The following EPB41L4B variants were observed in gnomAD, a reference collection of about 807,000 sequenced individuals.
EPB41L4B encodes the protein erythrocyte membrane protein band 4.1 like 4B, also known as band 4.1-like protein 4B.
Under a neutral mutation model 112.5 loss-of-function variants are expected in EPB41L4B, and 30 were observed. The ratio of observed to expected loss-of-function variants is 0.27; its 90% CI spans 0.20 to 0.36. The LOEUF is 0.36. EPB41L4B is among the 10% of genes least tolerant of loss of function. EPB41L4B has a pLI of 1.00. For synonymous variants in EPB41L4B, 408 were observed against 439.7 expected, an observed-to-expected ratio of 0.93 and a Z score of 0.90; for missense variants, 1,024 against 1,133.3, an observed-to-expected ratio of 0.90 and a Z score of 1.38.
chr9:109,188,596 T>A (rs1043075392), intron 22 of EPB41L4B, among the ~76,000 whole-genome samples: 1 of 152,200 alleles, frequency 6.6e-6, no homozygotes, highest in Non-Finnish European at 1.5e-5. Flanking sequence ...AGGGGTACCC[T>A]AATTTAATTT....
intron 20 of EPB41L4B, among the ~76,000 whole-genome samples, chr9:109,196,718 GAAAA>G (rs34024676): frequency 2.4e-5 from 2 of 84,654 alleles, no homozygotes; most frequent in Non-Finnish European, 4.8e-5. Flanking sequence ...CCTTGTCTCC[GAAAA>G]AAAAAAAAAA....
At chr9:109,301,467 T>G (rs887371270) in intron 1 of EPB41L4B, among the ~76,000 whole-genome samples, 4 of 152,146 alleles carry the variant, frequency 2.6e-5, no homozygotes, top group Admixed American at 6.5e-5. Context: ...ACTCAGCCCC[T>G]TCTCATCTCC....
At chr9:109,264,483 T>C (rs1835330594) in intron 5 of EPB41L4B, among the ~76,000 whole-genome samples, 1 of 152,190 alleles carries the variant, frequency 6.6e-6, no homozygotes, top group African/African-American at 2.4e-5. Context: ...TACTCAATGA[T>C]CACTGTGTGC....
chr9:109,268,544 G>T (rs1835490843), intron 2 of EPB41L4B, 111 bp from the exon 3 acceptor site: 5 of 951,522 alleles, frequency 5.3e-6, no homozygotes, highest in Non-Finnish European at 7.9e-6. Flanking sequence ...AAAAACCAGG[G>T]TTTGGATCAT....
At chr9:109,264,202 T>C (rs892910326) in intron 5 of EPB41L4B, among the ~76,000 whole-genome samples, 1 of 152,258 alleles carries the variant, frequency 6.6e-6, no homozygotes, top group Non-Finnish European at 1.5e-5. Flanking sequence ...CTGAGGTTTT[T>C]ATAGCACATA....
At chr9:109,285,228 AC>A (rs1271426142) in intron 1 of EPB41L4B, among the ~76,000 whole-genome samples, 1 of 152,196 alleles carries the variant, frequency 6.6e-6, no homozygotes, top group Non-Finnish European at 1.5e-5. Context: ...AGCTCTACTT[AC>A]GTAAAATGAA....
chr9:109,296,831 G>A (rs1478845391), intron 1 of EPB41L4B, among the ~76,000 whole-genome samples: 2 of 146,988 alleles, frequency 1.4e-5, no homozygotes, highest in Non-Finnish European at 3.0e-5. Flanking sequence ...TGAGGCTGCA[G>A]TAAGCTATGA....
In EPB41L4B at chr9:109,209,426, C is replaced by T. The variant is rs186450944; in HGVS notation, c.1753-1377G>A. On this transcript the variant is annotated intron_variant, in intron 17 of 25. Transcript: ENST00000374566. ...TTGTAATCCCAGCGCTTTGGGAGGC[C>T]GGGGCGGGTGGATCACTTGAGCCCA... Among the ~76,000 whole-genome samples the T allele has an allele frequency of 2.2e-3, 341 of 151,696 alleles. 1 individual carries two copies. Among genetic ancestry groups the T allele is most frequent in the Admixed American group, 6.9e-3 (105 of 15,234 alleles).
chr9:109,197,408 G>A (rs920763423), intron 20 of EPB41L4B, among the ~76,000 whole-genome samples: 2 of 152,044 alleles, frequency 1.3e-5, no homozygotes, highest in Non-Finnish European at 2.9e-5. Context: ...GGGTGACAGA[G>A]TGAGACTCCA....
chr9:109,307,404 C>T, intron 1 of EPB41L4B: 1 of 352,222 alleles, frequency 2.8e-6, no homozygotes, highest in Non-Finnish European at 5.5e-6. Flanking sequence ...ATCCCATATC[C>T]CAGACCTCCT....
intron 18 of EPB41L4B, among the ~76,000 whole-genome samples, chr9:109,207,029 TCCTCA>T (rs1833011178): frequency 6.6e-6 from 1 of 152,206 alleles, no homozygotes; most frequent in African/African-American, 2.4e-5. Context: ...TGATGTCCCC[TCCTCA>T]GTCTGAGTCC....
At chr9:109,250,616 T>C (rs958171700) in intron 13 of EPB41L4B, among the ~76,000 whole-genome samples, 10 of 152,170 alleles carry the variant, frequency 6.6e-5, no homozygotes, top group African/African-American at 2.4e-4. Context: ...AAGAGCGGTA[T>C]ATGCCGGGCA....
At chr9:109,248,468 C>T (rs901353302) in intron 13 of EPB41L4B, among the ~76,000 whole-genome samples, 1 of 152,170 alleles carries the variant, frequency 6.6e-6, no homozygotes, top group East Asian at 1.9e-4. Flanking sequence ...TGCTCAGGGT[C>T]GCCTGGCTGG....
rs1307645413 is a variant in EPB41L4B at position 109,255,719 on chromosome 9, CA to C, written c.1000-40del. 3 of 1,609,982 alleles carry C rather than the reference CA, an allele frequency of 1.9e-6. No individual in the cohort carries two copies. In the East Asian group the frequency reaches 6.7e-5, roughly 36 times the overall value. On this transcript the variant is annotated intron_variant, in intron 10 of 25. Coordinates refer to ENST00000374566, the MANE Select transcript of EPB41L4B (RefSeq NM_019114.5). ...CACAAGGGCCTCGAGTGGGCGTTTGCAACCCCAACACAGGATTTTCACAGCA... is the reference window on the plus strand; with the variant it reads ...CACAAGGGCCTCGAGTGGGCGTTTGCACCCCAACACAGGATTTTCACAGCA...
At chr9:109,186,415 G>A (rs938035968) in intron 22 of EPB41L4B, among the ~76,000 whole-genome samples, 1 of 151,342 alleles carries the variant, frequency 6.6e-6, no homozygotes, top group Non-Finnish European at 1.5e-5. Context: ...TCAAACTCCT[G>A]ACCTCAAGTG....
chr9:109,297,707 G>A (rs1409033661), intron 1 of EPB41L4B, among the ~76,000 whole-genome samples: 5 of 152,208 alleles, frequency 3.3e-5, no homozygotes, highest in Non-Finnish European at 7.3e-5. Flanking sequence ...TACTCCCCTG[G>A]ACTGAAACTG....
In EPB41L4B at chr9:109,258,206, A is replaced by G. The variant is rs1835056520; in HGVS notation, c.723T>C (p.Phe241=). The G allele has an allele frequency of 6.2e-7, 1 of 1,613,854 alleles. No individual in the cohort carries two copies. Among genetic ancestry groups the G allele is most frequent in the Non-Finnish European group, 8.5e-7 (1 of 1,179,842 alleles). The change falls in exon 7 of 26, where the codon TTT becomes TTC. Residue 241 remains phenylalanine, a synonymous_variant. Coordinates refer to ENST00000374566, the MANE Select transcript of EPB41L4B (RefSeq NM_019114.5). ...FIPNQTEAME[F]DIFQRWKECR... is the part of the protein sequence containing the mutation. ...ACTCTTTCCATCTCTGGAAGATATC[A>G]AATTCCATTGCTTCTGTCTGATTTG...
At position 109,174,636 on chromosome 9, in the gene EPB41L4B, A is replaced by G. The variant is rs1375891937; in HGVS notation, c.2634-13T>C. The G allele has an allele frequency of 6.2e-7, 1 of 1,612,224 alleles. No homozygotes were observed. Among genetic ancestry groups the G allele is most frequent in the Non-Finnish European group, 8.5e-7 (1 of 1,178,540 alleles). The stretch of plus-strand genomic sequence containing the variant: ...GAGTGTCTCTGCACTAAAAAAAAGT[A>G]TGTGACAAAATAGTGAGACAATCCC... On this transcript the variant is annotated splice_polypyrimidine_tract_variant and intron_variant, in intron 25 of 25. Transcript: ENST00000374566.
At chr9:109,215,031 G>A (rs545998340) in intron 16 of EPB41L4B, among the ~76,000 whole-genome samples, 1 of 152,254 alleles carries the variant, frequency 6.6e-6, no homozygotes, top group Admixed American at 6.5e-5. Context: ...AATACCAAGT[G>A]GGTGTCGAGT....
Sources: allele counts gnomAD v4.1 joint callset (sites outside exome capture counted in the v4.1 genomes callset), GRCh38; gene constraint gnomAD v4.1.1; transcripts MANE v1.5; gene names NCBI Gene and HGNC (gene_info 2026-07-23, HGNC 2026-07-21).